Variants in SLC2A13 observed in about 807,000 individuals in gnomAD.
The protein encoded by SLC2A13 is solute carrier family 2 member 13, also known as proton myo-inositol cotransporter.
SLC2A13 carries 32 observed loss-of-function variants against 64.4 expected under a neutral mutation model. That is an observed-to-expected ratio of 0.50 (90% CI 0.37 to 0.67). The LOEUF (loss-of-function observed/expected upper bound fraction) is 0.67, where lower values mean the gene tolerates loss of function less well. Ranked by LOEUF, SLC2A13 falls within the 30% of genes least tolerant of loss-of-function variation. The pLI is 0.00. For synonymous variants in SLC2A13, 338 were observed against 327.1 expected, an observed-to-expected ratio of 1.03 and a Z score of -0.36; for missense variants, 743 against 829.2, an observed-to-expected ratio of 0.90 and a Z score of 1.28.
At chr12:39,821,434 C>T (rs1183670966) in intron 7 of SLC2A13, among the ~76,000 whole-genome samples, 1 of 151,790 alleles carries the variant, frequency 6.6e-6, no homozygotes, top group African/African-American at 2.4e-5. Flanking sequence ...TTTTTTTGTG[C>T]CCTTCCACAG....
chr12:39,786,118 C>A (rs1397859317), intron 7 of SLC2A13, among the ~76,000 whole-genome samples: 1 of 151,692 alleles, frequency 6.6e-6, no homozygotes, highest in Non-Finnish European at 1.5e-5. Context: ...TTTGGAGGGG[C>A]CAGGGGCGGA....
At chr12:40,031,836 C>T (rs1947910158) in intron 2 of SLC2A13, among the ~76,000 whole-genome samples, 1 of 152,106 alleles carries the variant, frequency 6.6e-6, no homozygotes, top group South Asian at 2.1e-4. Context: ...CAACATGAGA[C>T]AAAAAGAGAA....
intron 6 of SLC2A13, among the ~76,000 whole-genome samples, chr12:39,839,460 C>T (rs1318454967): frequency 6.6e-6 from 1 of 152,052 alleles, no homozygotes; most frequent in Non-Finnish European, 1.5e-5. Context: ...ATTATCCTCT[C>T]CACTCTATTA....
intron 2 of SLC2A13, among the ~76,000 whole-genome samples, chr12:40,034,106 T>C (rs1375992449): frequency 1.3e-5 from 2 of 152,228 alleles, no homozygotes; most frequent in Non-Finnish European, 2.9e-5. Context: ...ATGGAAAAAC[T>C]ATCCTAGTTA....
intron 3 of SLC2A13, among the ~76,000 whole-genome samples, chr12:40,027,995 G>C (rs1947844257): frequency 6.6e-6 from 1 of 152,062 alleles, no homozygotes; most frequent in Non-Finnish European, 1.5e-5. Context: ...CCCTAAACTA[G>C]TACATGAGGT....
intron 7 of SLC2A13, among the ~76,000 whole-genome samples, chr12:39,769,558 C>G (rs1373405211): frequency 6.6e-6 from 1 of 151,742 alleles, no homozygotes; most frequent in Non-Finnish European, 1.5e-5. Context: ...TGTAGGCTTC[C>G]TTCCTCCCTC....
At chr12:39,970,677 C>T (rs764549872) in intron 3 of SLC2A13, among the ~76,000 whole-genome samples, 3 of 152,186 alleles carry the variant, frequency 2.0e-5, no homozygotes, top group Non-Finnish European at 4.4e-5. Flanking sequence ...AAAAACAAAA[C>T]ATACACATGC....
At chr12:39,811,243 G>T (rs1344554108) in intron 7 of SLC2A13, among the ~76,000 whole-genome samples, 1 of 151,874 alleles carries the variant, frequency 6.6e-6, no homozygotes, top group East Asian at 1.9e-4. Flanking sequence ...GCTTTTTATT[G>T]ATCTCTTCAA....
intron 4 of SLC2A13, among the ~76,000 whole-genome samples, chr12:39,895,102 C>T (rs922032699): frequency 1.3e-5 from 2 of 151,956 alleles, no homozygotes; most frequent in African/African-American, 4.8e-5. Context: ...CTTCTTGGCC[C>T]CAGTGATTGT....
intron 3 of SLC2A13, among the ~76,000 whole-genome samples, chr12:40,009,742 C>A (rs983784759): frequency 3.3e-5 from 5 of 152,136 alleles, no homozygotes; most frequent in African/African-American, 1.2e-4. Context: ...GCGACAGTTT[C>A]TTTTAACAAG....
rs566720179 is a variant in SLC2A13, at chr12:39,860,289, T to A, written c.1319+4473A>T. Among the ~76,000 whole-genome samples, 7 of 152,298 alleles carry A rather than the reference T, an allele frequency of 4.6e-5. No homozygotes were observed. The South Asian group carries it at 1.5e-3, about 32-fold the overall frequency. ...TACATTTAAGGCCTTCCAGCATGAA[T>A]AGCTTATGATTCTATGCTGGGATTA... is the stretch of plus-strand genomic sequence containing the variant. On this transcript the variant is annotated intron_variant, in intron 6 of 9. Transcript: ENST00000280871.
At chr12:40,104,586 A>T (rs1939241255) in intron 1 of SLC2A13, among the ~76,000 whole-genome samples, 1 of 152,244 alleles carries the variant, frequency 6.6e-6, no homozygotes, top group Non-Finnish European at 1.5e-5. Context: ...ATGGATAAAA[A>T]AGGATTCAAA....
At chr12:39,881,504 C>G (rs4128689) in intron 4 of SLC2A13, among the ~76,000 whole-genome samples, 13,684 of 152,182 alleles carry the variant, frequency 0.09, 810 homozygotes, top group Non-Finnish European at 0.11. Context: ...CTCATCATGT[C>G]TCAATTATCT....
intron 2 of SLC2A13, among the ~76,000 whole-genome samples, chr12:40,036,458 C>T (rs1288830090): frequency 2.0e-5 from 3 of 152,188 alleles, no homozygotes; most frequent in Admixed American, 6.5e-5. Context: ...GAAGTTCTGT[C>T]GTACCCCTTT....
chr12:40,039,510 T>C (rs568354071), intron 2 of SLC2A13, among the ~76,000 whole-genome samples: 3 of 152,366 alleles, frequency 2.0e-5, no homozygotes, highest in Admixed American at 6.5e-5. Context: ...ATCCAAATAT[T>C]TTAAGTATTA....
At chr12:39,854,684 T>C (rs1424647742) in intron 6 of SLC2A13, among the ~76,000 whole-genome samples, 1 of 152,194 alleles carries the variant, frequency 6.6e-6, no homozygotes, top group Non-Finnish European at 1.5e-5. Context: ...CCTCCTTGCT[T>C]GATGCTGTTG....
At chr12:39,785,286 C>G (rs559711939) in intron 7 of SLC2A13, among the ~76,000 whole-genome samples, 1 of 152,270 alleles carries the variant, frequency 6.6e-6, no homozygotes, top group South Asian at 2.1e-4. Context: ...CCCAGCTGCT[C>G]CAGCCACAGC....
Position 40,106,000 on chromosome 12 carries a change from CCGACGCTGCGGAGTT to C in SLC2A13, c.-207_-193del. 1.7e-6 allele frequency: 1 copy of C among 597,608 alleles called. No individual in the cohort carries two copies. Among genetic ancestry groups the C allele is most frequent in the Non-Finnish European group, 2.5e-6 (1 of 397,500 alleles). 37.0% of individuals were successfully genotyped at this position (597,608 alleles called of 1,614,324 possible). On this transcript the variant is annotated 5_prime_UTR_variant, in exon 1 of 10. Transcript: ENST00000280871. The surrounding 1 kb of genome is among the most constrained non-coding windows in gnomAD (Gnocchi z 4.2). ...GGAGAAAGTTGCTGCCCGCCGCGCTCCGACGCTGCGGAGTTGGAGCCCGGCGGGTCTCACTCCACA... is the reference window on the plus strand; with the variant it reads ...GGAGAAAGTTGCTGCCCGCCGCGCTCGGAGCCCGGCGGGTCTCACTCCACA...
At chr12:39,976,768 A>G (rs993973498) in intron 3 of SLC2A13, among the ~76,000 whole-genome samples, 4 of 152,246 alleles carry the variant, frequency 2.6e-5, no homozygotes, top group African/African-American at 9.6e-5. Flanking sequence ...TTTATTAAAT[A>G]TTTTATATAA....
Sources: gnomAD v4.1 joint callset for allele counts (sites outside exome capture counted in the v4.1 genomes callset) on GRCh38, gnomAD v4.1.1 for gene constraint, Gnocchi (gnomAD v3.1) non-coding constraint, MANE v1.5 for transcripts, NCBI Gene and HGNC (gene_info 2026-07-23, HGNC 2026-07-21) for gene names.